IFT140: variants seen among roughly 807,000 people sequenced by gnomAD.
The protein encoded by IFT140 is intraflagellar transport protein 140 homolog.
A neutral mutation model predicts 164.6 loss-of-function variants in IFT140; 133 were observed. The observed-to-expected ratio is 0.81, with a 90% CI of 0.70 to 0.93. The LOEUF is 0.93. Among genes scored for constraint, IFT140 ranks in the 40% least tolerant of loss-of-function variants. The pLI is 0.00. For missense variants in IFT140, 2,045 were observed against 1,972.3 expected (o/e 1.04, Z -0.70); for synonymous variants, 860 against 817.3 (o/e 1.05, Z -0.89).
At position 1,571,520 on chromosome 16, in the gene IFT140, T is replaced by C; in HGVS notation, c.1539A>G (p.Gln513=). The change falls in exon 14 of 31, where the codon CAA becomes CAG. Residue 513 remains glutamine (Q), a synonymous_variant. Coordinates refer to ENST00000426508, the MANE Select transcript of IFT140 (RefSeq NM_014714.4). ...QVRTWQGTVK[Q]LLLFSETEGN... ...CCTCAGTCTCCGAGAAAAGGAGGAGTTGTTTGACAGTCCCCTGAGGAAAAG... is the reference window on the plus strand; with the variant it reads ...CCTCAGTCTCCGAGAAAAGGAGGAGCTGTTTGACAGTCCCCTGAGGAAAAG... The C allele has an allele frequency of 6.2e-7, 1 of 1,610,066 alleles. No homozygotes were observed. The highest frequency in any genetic ancestry group is 8.5e-7 in the Non-Finnish European group (1 of 1,178,546).
intron 18 of IFT140, among the ~76,000 whole-genome samples, chr16:1,559,383 T>C (rs1330103858): frequency 2.0e-5 from 3 of 152,164 alleles, no homozygotes; most frequent in Non-Finnish European, 4.4e-5. Flanking sequence ...GGAGGGACTG[T>C]CTATCCCACG....
intron 3 of IFT140, among the ~76,000 whole-genome samples, chr16:1,605,380 G>A (rs1293874904): frequency 6.6e-6 from 1 of 152,124 alleles, no homozygotes; most frequent in Non-Finnish European, 1.5e-5. Context: ...GCTGAAGAGT[G>A]AGTAGAGGAG....
intron 14 of IFT140, among the ~76,000 whole-genome samples, chr16:1,570,831 C>CCG (rs1222341005): frequency 6.6e-6 from 1 of 152,202 alleles, no homozygotes; most frequent in Non-Finnish European, 1.5e-5. Context: ...CCACAGCTCA[C>CCG]CGCAACCTCG....
At chr16:1,580,025 C>T (rs1423231498) in intron 13 of IFT140, among the ~76,000 whole-genome samples, 2 of 151,440 alleles carry the variant, frequency 1.3e-5, no homozygotes, top group Non-Finnish European at 2.9e-5. Context: ...AAGACACATG[C>T]GGGAGACAGC....
In IFT140 at chr16:1,553,101, T is replaced by C. The variant is rs1322684280; in HGVS notation, c.2399+4834A>G. 1 of 985,346 alleles carries C rather than the reference T, an allele frequency of 1.0e-6. No individual in the cohort carries two copies. The highest frequency in any genetic ancestry group is 1.7e-5 in the African/African-American group (1 of 57,250). 61.0% of individuals were successfully genotyped at this position (985,346 alleles called of 1,614,324 possible). Reference sequence around the variant, plus strand: ...ATAGATAAATGCTTAATTCATACTTTCTGGAGGGTACAGTGATGATGAAAA... The same window carrying C: ...ATAGATAAATGCTTAATTCATACTTCCTGGAGGGTACAGTGATGATGAAAA... On this transcript the variant is annotated intron_variant, in intron 19 of 30. Coordinates refer to ENST00000426508, the MANE Select transcript of IFT140 (RefSeq NM_014714.4). This position sits in a 1 kb window ranked among gnomAD's most constrained non-coding sequence, Gnocchi z 4.4.
chr16:1,523,544 C>T lies in IFT140; in HGVS notation c.3427G>A (p.Val1143Ile). The T allele has an allele frequency of 2.5e-6, 4 of 1,612,796 alleles. No individual in the cohort carries two copies. Among genetic ancestry groups the T allele is most frequent in the Non-Finnish European group, 3.4e-6 (4 of 1,179,870 alleles). The change falls in exon 26 of 31, where the codon GTA (valine) becomes ATA (isoleucine). Residue 1143 changes from valine to isoleucine, a missense_variant. Transcript: ENST00000426508. ...TTCCTGGCAGCCAGCAGCAGCTCTA[C>T]CGCCCTCTCGTACTGACTGTGCTCG... ...FIEHSQYERA[V>I]ELLLAARKYQ...
chr16:1,515,572 A>G (rs1453072858), intron 30 of IFT140, among the ~76,000 whole-genome samples: 5 of 151,662 alleles, frequency 3.3e-5, no homozygotes, highest in East Asian at 1.9e-4. Flanking sequence ...ATGCCTTGCT[A>G]TTTTTTTCAG....
At chr16:1,563,358 G>A (rs967425132) in intron 17 of IFT140, among the ~76,000 whole-genome samples, 1 of 150,318 alleles carries the variant, frequency 6.7e-6, no homozygotes, top group Non-Finnish European at 1.5e-5. Context: ...GCAGTGGCGC[G>A]ATCCCGGCTC....
At chr16:1,547,995 G>C (rs551292540) in intron 19 of IFT140, among the ~76,000 whole-genome samples, 5 of 152,204 alleles carry the variant, frequency 3.3e-5, no homozygotes, top group Admixed American at 6.5e-5. Flanking sequence ...TAGCTCGCTT[G>C]CCTGTCTTTG....
rs1334687216 is a variant in IFT140 at position 1,520,235 on chromosome 16, G to T, written c.3769C>A (p.Leu1257Met). Reference sequence around the variant, plus strand: ...ATCTCCGGCTCCTTCCGCCAGTCCAGGGACTGCAGGTAGTTAGCAGCCATG... The same window carrying T: ...ATCTCCGGCTCCTTCCGCCAGTCCATGGACTGCAGGTAGTTAGCAGCCATG... ...YIMAANYLQS[L>M]DWRKEPEIMK... The change falls in exon 28 of 31, where the codon CTG becomes ATG. Residue 1257 changes from leucine to methionine, a missense_variant. Coordinates refer to ENST00000426508, the MANE Select transcript of IFT140 (RefSeq NM_014714.4). The T allele has an allele frequency of 6.2e-7, 1 of 1,614,136 alleles. No individual in the cohort carries two copies. The highest frequency in any genetic ancestry group is 8.5e-7 in the Non-Finnish European group (1 of 1,180,060).
Position 1,551,219 on chromosome 16 carries a change from C to A in IFT140, c.2399+6716G>T, listed in dbSNP as rs1173373673. ...TGGGGCAAGTTCTGGCCCCGGGGAG[C>A]CTGCCCTGTGGCGGGGGAGAGCGGC... On this transcript the variant is annotated intron_variant, in intron 19 of 30. Coordinates refer to ENST00000426508, the MANE Select transcript of IFT140 (RefSeq NM_014714.4). This position sits in a 1 kb window ranked among gnomAD's most constrained non-coding sequence, Gnocchi z 4.0. 2.0e-5 allele frequency among the ~76,000 whole-genome samples: 3 copies of A among 152,246 alleles called. No homozygotes were observed. Among genetic ancestry groups the A allele is most frequent in the Non-Finnish European group, 4.4e-5 (3 of 68,048 alleles).
Position 1,525,875 on chromosome 16 carries a change from G to A in IFT140, c.2768+12C>T, listed in dbSNP as rs756491638. ...AGAGAGGCAGGGAAGAGGCCGCGAG[G>A]GCCGCACTCACTAACTGAGGGCCCG... On this transcript the variant is annotated intron_variant, in intron 21 of 30. Coordinates refer to ENST00000426508, the MANE Select transcript of IFT140 (RefSeq NM_014714.4). The A allele has an allele frequency of 8.2e-5, 125 of 1,524,754 alleles. No individual in the cohort carries two copies. The Middle Eastern group carries it at 1.1e-3, about 14-fold the overall frequency. 94.5% of individuals were successfully genotyped at this position (1,524,754 alleles called of 1,614,324 possible).
At chr16:1,555,187 G>C (rs1596357038) in intron 19 of IFT140, 1 of 883,748 alleles carries the variant, frequency 1.1e-6, no homozygotes, top group Non-Finnish European at 1.7e-6. Context: ...TGCGTTTACT[G>C]TTATGTCGGT....
intron 14 of IFT140, among the ~76,000 whole-genome samples, chr16:1,569,753 G>A (rs2033923188): frequency 6.9e-6 from 1 of 144,094 alleles, no homozygotes; most frequent in African/African-American, 2.7e-5. Context: ...ACCATGCCTG[G>A]CTAATTTTTT....
chr16:1,587,602 C>T (rs780052452), intron 8 of IFT140, among the ~76,000 whole-genome samples: 5 of 152,210 alleles, frequency 3.3e-5, no homozygotes, highest in Non-Finnish European at 7.3e-5. Context: ...ACTGAGCTAA[C>T]GCAGCAGGCA....
chr16:1,589,865 T>G, intron 6 of IFT140, 85 bp from the exon 7 acceptor site: 1 of 1,251,338 alleles, frequency 8.0e-7, no homozygotes, highest in Non-Finnish European at 1.1e-6. Flanking sequence ...TTCTATCAAC[T>G]TAAGGACATT....
chr16:1,525,876 G>A lies in IFT140; in HGVS notation c.2768+11C>T. ...GAGAGGCAGGGAAGAGGCCGCGAGG[G>A]CCGCACTCACTAACTGAGGGCCCGG... On this transcript the variant is annotated intron_variant, in intron 21 of 30. Coordinates refer to ENST00000426508, the MANE Select transcript of IFT140 (RefSeq NM_014714.4). 3.3e-6 allele frequency: 5 copies of A among 1,525,704 alleles called. No individual in the cohort carries two copies. Among genetic ancestry groups the A allele is most frequent in the Non-Finnish European group, 4.4e-6 (5 of 1,136,448 alleles). 94.5% of individuals were successfully genotyped at this position (1,525,704 alleles called of 1,614,324 possible).
intron 4 of IFT140, among the ~76,000 whole-genome samples, chr16:1,601,189 A>C (rs940093943): frequency 6.6e-6 from 1 of 151,484 alleles, no homozygotes. Context: ...GCTTGAACTC[A>C]GGATGTAGAG....
chr16:1,598,117 A>G (rs1174984345), intron 4 of IFT140, among the ~76,000 whole-genome samples: 1 of 152,206 alleles, frequency 6.6e-6, no homozygotes, highest in Non-Finnish European at 1.5e-5. Flanking sequence ...CATCCAGAAG[A>G]AGGGAACAAC....
Sources: allele counts gnomAD v4.1 joint callset (sites outside exome capture counted in the v4.1 genomes callset), GRCh38; gene constraint gnomAD v4.1.1; non-coding constraint Gnocchi (gnomAD v3.1); transcripts MANE v1.5; gene names NCBI Gene and HGNC (gene_info 2026-07-23, HGNC 2026-07-21).